The following LRRIQ1 variants were observed in gnomAD, a reference collection of about 807,000 sequenced individuals.
LRRIQ1 encodes the protein leucine-rich repeat- and IQ domain-containing protein 1.
LRRIQ1 carries 210 observed loss-of-function variants against 211.9 expected under a neutral mutation model. The observed-to-expected ratio is 0.99, with a 90% CI of 0.89 to 1.11. The LOEUF (loss-of-function observed/expected upper bound fraction) is 1.11. Among genes scored for constraint, LRRIQ1 ranks in the 50% most tolerant of loss-of-function variants. The pLI is 0.00. For missense variants in LRRIQ1, 2,136 were observed against 1,939.5 expected (o/e 1.10, Z -1.90); for synonymous variants, 699 against 650.1 (o/e 1.08, Z -1.14).
chr12:85,184,663 G>A (rs1254946480), intron 24 of LRRIQ1, among the ~76,000 whole-genome samples: 1 of 151,862 alleles, frequency 6.6e-6, no homozygotes, highest in African/African-American at 2.4e-5. Context: ...CCTTACAAGT[G>A]CATTTTGCTG....
At chr12:85,045,098 G>A (rs1387002949) in intron 4 of LRRIQ1, among the ~76,000 whole-genome samples, 9 of 151,832 alleles carry the variant, frequency 5.9e-5, no homozygotes, top group African/African-American at 2.2e-4. Context: ...AAATTTTGTT[G>A]TCTAAAAATT....
At chr12:85,195,356 C>G (rs58358130) in intron 24 of LRRIQ1, among the ~76,000 whole-genome samples, 5,444 of 151,742 alleles carry the variant, frequency 0.036, 321 homozygotes, top group African/African-American at 0.13. Flanking sequence ...CAAAGCCAGG[C>G]AGACACACAA....
At position 85,045,642 on chromosome 12, in the gene LRRIQ1, T is replaced by TA. The variant is rs1354769962; in HGVS notation, c.337-377dup. On this transcript the variant is annotated intron_variant, in intron 4 of 26. Coordinates refer to ENST00000393217, the MANE Select transcript of LRRIQ1 (RefSeq NM_001079910.2). The stretch of plus-strand genomic sequence containing the variant: ...TAGTTCTCTTTCGTATCATATAGAA[T>TA]ATATAAAAAGTTTGTGTATGTGAAC... 4.6e-5 allele frequency among the ~76,000 whole-genome samples: 7 copies of TA among 151,880 alleles called. No individual in the cohort carries two copies. In the East Asian group the frequency reaches 1.3e-3, roughly 29 times the overall value.
rs1295474609 is a variant in LRRIQ1 at position 85,068,591 on chromosome 12, C to T, written c.2695+1693C>T. Among the ~76,000 whole-genome samples, 8 of 151,602 alleles carry T rather than the reference C, an allele frequency of 5.3e-5. No homozygotes were observed. In the South Asian group the frequency reaches 1.2e-3, roughly 24 times the overall value. ...AGGAGACAGTTTTGAATAATATGGC[C>T]GTCTCTTACTTAACCCCATTGCATT... On this transcript the variant is annotated intron_variant, in intron 10 of 26. Coordinates refer to ENST00000393217, the MANE Select transcript of LRRIQ1 (RefSeq NM_001079910.2).
intron 26 of LRRIQ1, among the ~76,000 whole-genome samples, chr12:85,239,113 T>C (rs1451154938): frequency 6.6e-6 from 1 of 152,054 alleles, no homozygotes; most frequent in East Asian, 1.9e-4. Context: ...TTCAGAGACA[T>C]ACCATATTTA....
intron 8 of LRRIQ1, 104 bp downstream of exon 8, chr12:85,057,288 G>A (rs1029852560): frequency 1.1e-6 from 1 of 933,448 alleles, no homozygotes; most frequent in Non-Finnish European, 1.5e-6. Context: ...TACAAGAATT[G>A]TCTCTTGTTT....
intron 15 of LRRIQ1, among the ~76,000 whole-genome samples, chr12:85,121,495 TG>T: frequency 6.6e-6 from 1 of 152,218 alleles, no homozygotes; most frequent in East Asian, 1.9e-4. Flanking sequence ...AAACTTACTT[TG>T]TATATGACCT....
chr12:85,036,490 G>C (rs1220443369), intron 1 of LRRIQ1, 83 bp downstream of exon 1: 1 of 152,260 alleles, frequency 6.6e-6, no homozygotes, highest in East Asian at 1.9e-4. Flanking sequence ...GACTCTCTCT[G>C]CCTGGCCAGA....
At chr12:85,179,858 CT>C (rs1440667296) in intron 24 of LRRIQ1, among the ~76,000 whole-genome samples, 1 of 151,934 alleles carries the variant, frequency 6.6e-6, no homozygotes, top group Non-Finnish European at 1.5e-5. Context: ...ATGTTTTTAT[CT>C]ATTTCCTCCC....
intron 11 of LRRIQ1, among the ~76,000 whole-genome samples, chr12:85,079,084 C>G (rs1484967503): frequency 1.3e-5 from 2 of 152,020 alleles, no homozygotes; most frequent in Non-Finnish European, 2.9e-5. Context: ...GAAAACTCCA[C>G]TATACTCTCT....
intron 18 of LRRIQ1, among the ~76,000 whole-genome samples, chr12:85,131,978 T>C (rs981221030): frequency 5.9e-5 from 9 of 152,100 alleles, no homozygotes; most frequent in African/African-American, 7.2e-5. Flanking sequence ...GATGGCTGGG[T>C]CTTGAATTTC....
intron 24 of LRRIQ1, among the ~76,000 whole-genome samples, chr12:85,172,992 C>G (rs1388321847): frequency 6.6e-6 from 1 of 151,836 alleles, no homozygotes; most frequent in African/African-American, 2.4e-5. Flanking sequence ...ACCTGTAGTC[C>G]CAGCTACTCG....
intron 24 of LRRIQ1, among the ~76,000 whole-genome samples, chr12:85,207,017 GC>G (rs1469345989): frequency 3.3e-5 from 5 of 152,068 alleles, no homozygotes; most frequent in Non-Finnish European, 7.4e-5. Context: ...CTAGAATCCT[GC>G]CACTACCACT....
intron 26 of LRRIQ1, among the ~76,000 whole-genome samples, chr12:85,233,673 G>A (rs549238845): frequency 7.9e-5 from 12 of 152,228 alleles, no homozygotes; most frequent in South Asian, 4.1e-4. Context: ...TAAGGTAGTC[G>A]CTAGCTAAAT....
In LRRIQ1 at chr12:85,056,396, CA is replaced by C. The variant is rs747679413; in HGVS notation, c.1608del (p.Glu537LysfsTer5). On this transcript the variant is annotated frameshift_variant, in exon 8 of 27. Transcript: ENST00000393217. LOFTEE classifies it high-confidence loss of function. ...ATTGCAAGAATTAAAGTCTGATGCA[CA>C]AAAAGAAGAAAAAATCATGAAACAT... ...FPLQELKSDA[Q>X]KEEKIMKHVI... is the part of the protein sequence containing the mutation. 1.5e-5 allele frequency: 24 copies of C among 1,584,816 alleles called. No individual in the cohort carries two copies. The South Asian group carries it at 2.9e-4, about 19-fold the overall frequency.
intron 11 of LRRIQ1, among the ~76,000 whole-genome samples, chr12:85,076,948 C>T (rs1471427998): frequency 6.6e-6 from 1 of 152,102 alleles, no homozygotes; most frequent in Non-Finnish European, 1.5e-5. Flanking sequence ...TAACTCATGG[C>T]AGAGGTAGGG....
chr12:85,136,455 C>T (rs1889140611), intron 18 of LRRIQ1, among the ~76,000 whole-genome samples: 1 of 151,878 alleles, frequency 6.6e-6, no homozygotes, highest in Admixed American at 6.6e-5. Context: ...GCATATTTGG[C>T]TTTCTCTGGT....
chr12:85,154,414 T>C (rs1890432038), intron 23 of LRRIQ1, among the ~76,000 whole-genome samples: 1 of 151,358 alleles, frequency 6.6e-6, no homozygotes, highest in East Asian at 1.9e-4. Context: ...CTAAAGAGTA[T>C]CTGTTTCACT....
rs116646953 is a variant in LRRIQ1, at chr12:85,168,227, C to A, written c.4822+7513C>A. ...CCTGAAGGGGCTGGGCCATTTGTAG[C>A]CCTGCCTGGAGTGGGTTCCTGTAGT... On this transcript the variant is annotated intron_variant, in intron 24 of 26. Coordinates refer to ENST00000393217, the MANE Select transcript of LRRIQ1 (RefSeq NM_001079910.2). Among the ~76,000 whole-genome samples, 206 of 152,234 alleles carry A rather than the reference C, an allele frequency of 1.4e-3. 1 individual carries two copies. Among genetic ancestry groups the A allele is most frequent in the African/African-American group, 4.7e-3 (194 of 41,552 alleles).
Sources: allele counts gnomAD v4.1 joint callset (sites outside exome capture counted in the v4.1 genomes callset), GRCh38; gene constraint gnomAD v4.1.1; transcripts MANE v1.5; gene names NCBI Gene and HGNC (gene_info 2026-07-23, HGNC 2026-07-21).